Variants in DDX4 observed in about 807,000 individuals in gnomAD.
DDX4 encodes the protein DEAD-box helicase 4, also known as probable ATP-dependent RNA helicase DDX4.
In DDX4, 25 loss-of-function variants were observed where a neutral mutation model predicts 100.0. That is an observed-to-expected ratio of 0.25 (90% CI 0.18 to 0.35). DDX4 has a LOEUF of 0.35. Ranked by LOEUF, DDX4 falls within the 10% of genes least tolerant of loss-of-function variation. The pLI is 1.00. For missense variants in DDX4, 635 were observed against 882.4 expected, an observed-to-expected ratio of 0.72 and a Z score of 3.55; for synonymous variants, 259 against 275.7, an observed-to-expected ratio of 0.94 and a Z score of 0.60.
intron 17 of DDX4, among the ~76,000 whole-genome samples, chr5:55,795,807 A>C (rs1742896810): frequency 6.6e-6 from 1 of 152,212 alleles, no homozygotes; most frequent in Non-Finnish European, 1.5e-5. Flanking sequence ...AGGGTTCTCC[A>C]GAAGGACAGA....
At chr5:55,812,867 G>A (rs367908498) in intron 18 of DDX4, among the ~76,000 whole-genome samples, 35 of 150,980 alleles carry the variant, frequency 2.3e-4, no homozygotes, top group African/African-American at 8.1e-4. Flanking sequence ...TTTTATTTCC[G>A]CATTTCCAAC....
chr5:55,790,782 A>G (rs1189531508), intron 16 of DDX4, 77 bp downstream of exon 16: 2 of 1,312,124 alleles, frequency 1.5e-6, no homozygotes, highest in Admixed American at 3.5e-5. Flanking sequence ...AATGAGGTAA[A>G]GACAGATGTA....
In DDX4 at chr5:55,789,774, C is replaced by T. The variant is rs1305090248; in HGVS notation, c.1173-802C>T. On this transcript the variant is annotated intron_variant, in intron 15 of 21. Transcript: ENST00000505374. ...GAACTTGGGACTCTGTGTGACTGGA[C>T]AGGTTGCACACTCATGAGGCCAGCC... 4.6e-5 allele frequency among the ~76,000 whole-genome samples: 7 copies of T among 152,274 alleles called. No homozygotes were observed. In the East Asian group the frequency reaches 1.3e-3, roughly 29 times the overall value.
intron 4 of DDX4, among the ~76,000 whole-genome samples, chr5:55,762,130 C>A (rs1048903311): frequency 2.6e-5 from 4 of 152,130 alleles, no homozygotes; most frequent in African/African-American, 9.7e-5. Context: ...TCAGGAGTTA[C>A]ACAGATCCCT....
intron 7 of DDX4, among the ~76,000 whole-genome samples, chr5:55,775,344 C>G (rs956878333): frequency 2.0e-5 from 3 of 152,162 alleles, no homozygotes; most frequent in African/African-American, 7.2e-5. Context: ...TCCCTGTTTT[C>G]AAATCTTTTG....
chr5:55,755,714 CT>C (rs529513352), intron 3 of DDX4, among the ~76,000 whole-genome samples: 54 of 145,808 alleles, frequency 3.7e-4, no homozygotes, highest in South Asian at 4.4e-4. Flanking sequence ...AGGGCAGATT[CT>C]TTTTTTTTTT....
intron 17 of DDX4, among the ~76,000 whole-genome samples, chr5:55,794,754 T>C (rs1351593240): frequency 1.3e-5 from 2 of 152,138 alleles, no homozygotes; most frequent in African/African-American, 2.4e-5. Context: ...CTTGAGTTGT[T>C]TACATTCTTT....
At chr5:55,749,612 T>C (rs1433777284) in intron 3 of DDX4, among the ~76,000 whole-genome samples, 2 of 152,116 alleles carry the variant, frequency 1.3e-5, no homozygotes, top group Non-Finnish European at 2.9e-5. Context: ...AGATTTAAGT[T>C]TTTGTAACTG....
intron 3 of DDX4, among the ~76,000 whole-genome samples, chr5:55,759,860 T>G (rs1760198925): frequency 6.6e-6 from 1 of 152,222 alleles, no homozygotes; most frequent in Admixed American, 6.5e-5. Flanking sequence ...GTTCTGGCTA[T>G]TAGCAAATTT....
intron 10 of DDX4, among the ~76,000 whole-genome samples, chr5:55,783,403 C>T (rs1561500493): frequency 6.6e-6 from 1 of 151,904 alleles, no homozygotes; most frequent in Non-Finnish European, 1.5e-5. Context: ...AATGTTACAT[C>T]TCATTAGCTT....
chr5:55,765,822 C>T (rs775916176), intron 6 of DDX4, among the ~76,000 whole-genome samples: 5 of 151,978 alleles, frequency 3.3e-5, no homozygotes, highest in South Asian at 2.1e-4. Context: ...TATTATTTTT[C>T]GAGACGGAGT....
At chr5:55,780,375 T>C (rs981893921) in intron 8 of DDX4, among the ~76,000 whole-genome samples, 2 of 152,206 alleles carry the variant, frequency 1.3e-5, no homozygotes, top group African/African-American at 4.8e-5. Flanking sequence ...ACCTTCTATG[T>C]GGCTTTACCT....
At chr5:55,813,931 T>C (rs937415609) in intron 19 of DDX4, among the ~76,000 whole-genome samples, 159 bp downstream of exon 19, 1 of 152,168 alleles carries the variant, frequency 6.6e-6, no homozygotes, top group Admixed American at 6.5e-5. Context: ...AAAAGGATAA[T>C]ACCCAGGAGT....
intron 7 of DDX4, 25 bp downstream of exon 7, chr5:55,767,965 T>G (rs1451356498): frequency 6.2e-7 from 1 of 1,605,830 alleles, no homozygotes. Context: ...TTGGAACAAT[T>G]TGTACTTAAC....
At chr5:55,803,301 G>T (rs1055658590) in intron 18 of DDX4, among the ~76,000 whole-genome samples, 2 of 150,342 alleles carry the variant, frequency 1.3e-5, no homozygotes, top group African/African-American at 4.9e-5. Context: ...AGGCTGCATA[G>T]TATTCCATGG....
At position 55,790,648 on chromosome 5, in the gene DDX4, C is replaced by T. The variant is rs529801009; in HGVS notation, c.1245C>T (p.Gly415=). 6.2e-7 allele frequency: 1 copy of T among 1,606,628 alleles called. No individual in the cohort carries two copies. The highest frequency in any genetic ancestry group is 1.3e-5 in the African/African-American group (1 of 74,870). Residue 415 remains glycine (G), a synonymous_variant, in exon 16 of 22, where the codon GGC becomes GGT. Coordinates refer to ENST00000505374, the MANE Select transcript of DDX4 (RefSeq NM_024415.3). ...LGHSIRQIVQ[G]CNILCATPGR... is the part of the protein sequence containing the mutation. The stretch of plus-strand genomic sequence containing the variant: ...ATTCAATTCGACAAATAGTACAAGG[C>T]TGTAATATATTATGTGCTACTCCTG...
At chr5:55,798,853 G>A (rs1743127550) in intron 18 of DDX4, among the ~76,000 whole-genome samples, 1 of 152,064 alleles carries the variant, frequency 6.6e-6, no homozygotes, top group South Asian at 2.1e-4. Context: ...TAGGAAACTA[G>A]AAAGGCTTAG....
intron 10 of DDX4, among the ~76,000 whole-genome samples, chr5:55,784,937 A>G (rs1298022715): frequency 6.6e-6 from 1 of 152,176 alleles, no homozygotes; most frequent in African/African-American, 2.4e-5. Context: ...AATCATAACC[A>G]TGAGTATGAC....
At chr5:55,781,771 GAA>G (rs200213654) in intron 9 of DDX4, among the ~76,000 whole-genome samples, 161 bp from the exon 10 acceptor site, 66 of 108,132 alleles carry the variant, frequency 6.1e-4, no homozygotes, top group Non-Finnish European at 7.8e-4. Flanking sequence ...AGTGAGACTT[GAA>G]AAAAAAAAAA....
Sources: gnomAD v4.1 joint callset for allele counts (sites outside exome capture counted in the v4.1 genomes callset) on GRCh38, gnomAD v4.1.1 for gene constraint, MANE v1.5 for transcripts, NCBI Gene and HGNC (gene_info 2026-07-23, HGNC 2026-07-21) for gene names.